DLG2: variants seen among roughly 807,000 people sequenced by gnomAD.
DLG2 encodes the protein discs large MAGUK scaffold protein 2, also known as disks large homolog 2.
In DLG2, 45 loss-of-function variants were observed where a neutral mutation model predicts 132.5. The ratio of observed to expected loss-of-function variants is 0.34; its 90% confidence interval spans 0.27 to 0.44. The LOEUF (loss-of-function observed/expected upper bound fraction) is 0.44. Among genes scored for constraint, DLG2 ranks in the 20% least tolerant of loss-of-function variants. DLG2 has a pLI of 1.00. For synonymous variants in DLG2, 424 were observed against 419.6 expected, an observed-to-expected ratio of 1.01 and a Z score of -0.13; for missense variants, 1,045 against 1,196.9, an observed-to-expected ratio of 0.87 and a Z score of 1.87.
intron 6 of DLG2, among the ~76,000 whole-genome samples, chr11:84,799,426 C>G (rs969291605): frequency 1.3e-5 from 2 of 152,170 alleles, no homozygotes; most frequent in Admixed American, 1.3e-4. Flanking sequence ...AGAGGGGTGT[C>G]TTTCCCAGCC....
intron 6 of DLG2, among the ~76,000 whole-genome samples, chr11:84,919,672 G>T (rs928631370): frequency 3.9e-5 from 6 of 152,088 alleles, no homozygotes; most frequent in Non-Finnish European, 8.8e-5. Flanking sequence ...GGGTATGTTT[G>T]TAGTAGCAAT....
At chr11:84,037,891 C>T (rs1039484146) in intron 11 of DLG2, among the ~76,000 whole-genome samples, 1 of 152,018 alleles carries the variant, frequency 6.6e-6, no homozygotes, top group Non-Finnish European at 1.5e-5. Flanking sequence ...AAAGTAATCA[C>T]TTTTTTCTTG....
At chr11:85,565,389 T>TTTAAATAA (rs2077475443) in intron 3 of DLG2, among the ~76,000 whole-genome samples, 1 of 152,058 alleles carries the variant, frequency 6.6e-6, no homozygotes, top group Non-Finnish European at 1.5e-5. Flanking sequence ...CTGTAATCAT[T>TTTAAATAA]TTAAAGTATA....
At chr11:85,346,850 G>A (rs1016929852) in intron 3 of DLG2, among the ~76,000 whole-genome samples, 2 of 152,058 alleles carry the variant, frequency 1.3e-5, no homozygotes, top group African/African-American at 4.8e-5. Flanking sequence ...GTGGGAGGCG[G>A]GAAGTAGTCA....
chr11:84,608,377 C>T (rs2099589488), intron 6 of DLG2, among the ~76,000 whole-genome samples: 1 of 152,174 alleles, frequency 6.6e-6, no homozygotes, highest in African/African-American at 2.4e-5. Context: ...AAACAAGCTG[C>T]ACCACCTCCA....
chr11:84,204,665 A>T (rs1479247792), intron 8 of DLG2, among the ~76,000 whole-genome samples: 12 of 152,218 alleles, frequency 7.9e-5, no homozygotes, highest in Non-Finnish European at 1.0e-4. Context: ...AGACATTAAT[A>T]AAAACACTCT....
intron 6 of DLG2, among the ~76,000 whole-genome samples, chr11:84,749,457 T>C (rs2065820300): frequency 6.6e-6 from 1 of 152,182 alleles, no homozygotes; most frequent in Non-Finnish European, 1.5e-5. Flanking sequence ...ACTGTACCTT[T>C]TCTATATGTA....
intron 7 of DLG2, among the ~76,000 whole-genome samples, chr11:84,385,676 G>A (rs997214820): frequency 6.6e-6 from 1 of 152,026 alleles, no homozygotes; most frequent in Non-Finnish European, 1.5e-5. Context: ...GCTCATAATA[G>A]ACATTTGAGT....
At chr11:84,568,944 C>T (rs1487511307) in intron 6 of DLG2, among the ~76,000 whole-genome samples, 1 of 152,124 alleles carries the variant, frequency 6.6e-6, no homozygotes, top group African/African-American at 2.4e-5. Context: ...CGGTATCTCC[C>T]CCTAACTTTA....
intron 8 of DLG2, among the ~76,000 whole-genome samples, chr11:84,218,239 AG>A (rs879479290): frequency 3.9e-4 from 52 of 132,512 alleles, no homozygotes; most frequent in Non-Finnish European, 8.5e-4. Flanking sequence ...AAGGAAGGAA[AG>A]GAAGGAAGGA....
intron 6 of DLG2, among the ~76,000 whole-genome samples, chr11:84,876,763 A>C (rs2086411441): frequency 6.6e-6 from 1 of 151,892 alleles, no homozygotes; most frequent in Admixed American, 6.6e-5. Flanking sequence ...TAGTTCTTTT[A>C]ATTGTGATGG....
chr11:85,538,752 A>G (rs1056011851), intron 3 of DLG2, among the ~76,000 whole-genome samples: 1 of 151,866 alleles, frequency 6.6e-6, no homozygotes, highest in Non-Finnish European at 1.5e-5. Context: ...AGAAAACCAA[A>G]TACTGCATGT....
chr11:85,162,532 T>C (rs1459128053), intron 4 of DLG2, among the ~76,000 whole-genome samples: 4 of 152,220 alleles, frequency 2.6e-5, no homozygotes. Flanking sequence ...CCCTCCTACT[T>C]TTGTTAAAAA....
intron 22 of DLG2, chr11:83,483,195 A>G: frequency 8.1e-6 from 12 of 1,486,898 alleles, no homozygotes; most frequent in Non-Finnish European, 1.1e-5. Flanking sequence ...ACAAAAGCCA[A>G]ACTCAAAAGG....
chr11:84,732,676 G>A (rs1191282249), intron 6 of DLG2, among the ~76,000 whole-genome samples: 1 of 151,590 alleles, frequency 6.6e-6, no homozygotes, highest in South Asian at 2.1e-4. Context: ...TTAAGTTCTA[G>A]GGTACATGTG....
At chr11:84,009,143 T>C in intron 11 of DLG2, among the ~76,000 whole-genome samples, 1 of 152,016 alleles carries the variant, frequency 6.6e-6, no homozygotes, top group East Asian at 1.9e-4. Context: ...TGGTTTCTTA[T>C]ATTTTACTTC....
At chr11:85,609,328 A>C (rs1442733722) in intron 2 of DLG2, among the ~76,000 whole-genome samples, 1 of 152,176 alleles carries the variant, frequency 6.6e-6, no homozygotes, top group East Asian at 1.9e-4. Flanking sequence ...CCCTGAACAA[A>C]ATCTGGAGGC....
chr11:84,311,073 A>C (rs2098281816), intron 7 of DLG2, among the ~76,000 whole-genome samples: 1 of 152,142 alleles, frequency 6.6e-6, no homozygotes, highest in African/African-American at 2.4e-5. Context: ...TAGCATGCAC[A>C]GTTGTAAATT....
chr11:85,054,824 G>A (rs762319577), intron 6 of DLG2, among the ~76,000 whole-genome samples: 2 of 152,136 alleles, frequency 1.3e-5, no homozygotes, highest in Non-Finnish European at 2.9e-5. Flanking sequence ...GGCACTTGTA[G>A]ACTTAAAAAT....
Sources: gnomAD v4.1 joint callset for allele counts (sites outside exome capture counted in the v4.1 genomes callset) on GRCh38, gnomAD v4.1.1 for gene constraint, MANE v1.5 for transcripts, NCBI Gene and HGNC (gene_info 2026-07-23, HGNC 2026-07-21) for gene names.